The following GABRB1 variants were observed in gnomAD, a reference collection of about 807,000 sequenced individuals.
The protein encoded by GABRB1 is gamma-aminobutyric acid receptor subunit beta-1.
In GABRB1, 17 loss-of-function variants were observed where a neutral mutation model predicts 51.6. The ratio of observed to expected loss-of-function variants is 0.33; its 90% CI spans 0.23 to 0.49. The LOEUF (loss-of-function observed/expected upper bound fraction) is 0.49. GABRB1 is among the 20% of genes least tolerant of loss of function. GABRB1 has a pLI of 0.99. For missense variants in GABRB1, 410 were observed against 600.6 expected (o/e 0.68, Z 3.32); for synonymous variants, 247 against 218.9 (o/e 1.13, Z -1.14).
At chr4:47,312,210 T>G (rs1724717693) in intron 4 of GABRB1, among the ~76,000 whole-genome samples, 2 of 152,092 alleles carry the variant, frequency 1.3e-5, no homozygotes, top group South Asian at 4.1e-4. Context: ...ACTCCAACAT[T>G]TTGCTTCCTC....
chr4:47,259,394 T>C (rs897885539), intron 4 of GABRB1, among the ~76,000 whole-genome samples: 3 of 152,134 alleles, frequency 2.0e-5, no homozygotes, highest in Non-Finnish European at 4.4e-5. Context: ...ATCAAGTAAG[T>C]GTTTTCTGTA....
upstream of GABRB1, among the ~76,000 whole-genome samples, chr4:47,026,683 A>C (rs915500555): frequency 1.3e-5 from 2 of 152,050 alleles, no homozygotes; most frequent in African/African-American, 2.4e-5. Flanking sequence ...CTTGGATAGC[A>C]TGGTCTTCTG....
chr4:47,065,781 T>C (rs368848754), intron 3 of GABRB1, among the ~76,000 whole-genome samples: 1 of 152,318 alleles, frequency 6.6e-6, no homozygotes, highest in Non-Finnish European at 1.5e-5. Context: ...CTATCCTAAA[T>C]CCATAAAGGA....
At chr4:47,362,189 A>G (rs1212009754) in intron 5 of GABRB1, among the ~76,000 whole-genome samples, 2 of 152,136 alleles carry the variant, frequency 1.3e-5, no homozygotes, top group Non-Finnish European at 2.9e-5. Flanking sequence ...AATGCTGCTG[A>G]CTGGTCAAAG....
At chr4:47,228,895 G>A (rs1358911437) in intron 4 of GABRB1, among the ~76,000 whole-genome samples, 2 of 152,096 alleles carry the variant, frequency 1.3e-5, no homozygotes, top group Non-Finnish European at 2.9e-5. Flanking sequence ...GGTCCTAAAG[G>A]ATGATTTGTG....
chr4:47,332,041 C>A (rs79756051), intron 5 of GABRB1, among the ~76,000 whole-genome samples: 1 of 152,298 alleles, frequency 6.6e-6, no homozygotes, highest in East Asian at 1.9e-4. Context: ...GGACAGGAAG[C>A]AAACACCTGA....
intron 1 of GABRB1, among the ~76,000 whole-genome samples, chr4:47,007,176 A>G (rs1223234303): frequency 2.0e-5 from 3 of 152,130 alleles, no homozygotes. Context: ...AAAGTACATA[A>G]ACTTTAAATG....
intron 4 of GABRB1, among the ~76,000 whole-genome samples, chr4:47,305,443 A>G (rs1724430419): frequency 6.6e-6 from 1 of 152,132 alleles, no homozygotes. Context: ...TCTTCTTTAG[A>G]AAAGTAATGA....
chr4:47,335,387 C>T (rs1181543869), intron 5 of GABRB1, among the ~76,000 whole-genome samples: 2 of 152,030 alleles, frequency 1.3e-5, no homozygotes, highest in African/African-American at 2.4e-5. Context: ...ACATAATTGT[C>T]ATCTGATTTT....
chr4:47,373,036 C>T (rs944462212), intron 5 of GABRB1, among the ~76,000 whole-genome samples: 1 of 152,152 alleles, frequency 6.6e-6, no homozygotes, highest in African/African-American at 2.4e-5. Flanking sequence ...CCTACAGACA[C>T]AGAGACTTGT....
At chr4:47,377,251 C>T (rs1293716287) in intron 5 of GABRB1, among the ~76,000 whole-genome samples, 1 of 152,190 alleles carries the variant, frequency 6.6e-6, no homozygotes, top group Non-Finnish European at 1.5e-5. Context: ...TCAAGTGATT[C>T]TCCTGCCTCA....
chr4:47,318,567 T>C (rs1036153217), intron 4 of GABRB1, among the ~76,000 whole-genome samples: 9 of 152,036 alleles, frequency 5.9e-5, no homozygotes, highest in African/African-American at 9.7e-5. Flanking sequence ...AGGTAGCATA[T>C]AAGCAGGGAA....
intron 4 of GABRB1, among the ~76,000 whole-genome samples, chr4:47,165,423 T>C (rs917959048): frequency 1.3e-5 from 2 of 152,010 alleles, no homozygotes; most frequent in African/African-American, 4.8e-5. Context: ...TACTCCTCTA[T>C]CTCCAACAAC....
intron 3 of GABRB1, among the ~76,000 whole-genome samples, chr4:47,076,647 A>AAAAACAAAACAAAACAAAAC (rs200916587): frequency 6.6e-6 from 1 of 150,776 alleles, no homozygotes; most frequent in African/African-American, 2.5e-5. Context: ...GATTACATGG[A>AAAAACAAAACAAAACAAAAC]AAAACAAAAC....
intron 3 of GABRB1, among the ~76,000 whole-genome samples, chr4:47,053,079 G>C (rs183182474): frequency 2.6e-5 from 4 of 152,294 alleles, no homozygotes; most frequent in Admixed American, 2.6e-4. Flanking sequence ...GTGAGGGCAA[G>C]AGCATTAGGT....
At chr4:47,070,202 A>AT in intron 3 of GABRB1, among the ~76,000 whole-genome samples, 1 of 148,264 alleles carries the variant, frequency 6.7e-6, no homozygotes, top group South Asian at 2.2e-4. Context: ...TGCCCAGCTA[A>AT]TTTTTGTATT....
At chr4:47,261,296 C>T (rs1015750813) in intron 4 of GABRB1, among the ~76,000 whole-genome samples, 10 of 152,128 alleles carry the variant, frequency 6.6e-5, no homozygotes, top group Non-Finnish European at 1.5e-4. Context: ...ATCTAGAAAA[C>T]CCCACTGTCT....
At chr4:47,335,847 C>A (rs575156160) in intron 5 of GABRB1, among the ~76,000 whole-genome samples, 2 of 152,048 alleles carry the variant, frequency 1.3e-5, no homozygotes, top group Non-Finnish European at 2.9e-5. Flanking sequence ...GAAGGGCAAT[C>A]CAAGAGTAGG....
At chr4:47,184,957 C>T (rs1042646306) in intron 4 of GABRB1, among the ~76,000 whole-genome samples, 3 of 151,834 alleles carry the variant, frequency 2.0e-5, no homozygotes, top group Non-Finnish European at 2.9e-5. Context: ...GATTACTTTG[C>T]TATACCATGG....
Sources: gnomAD v4.1 joint callset for allele counts (sites outside exome capture counted in the v4.1 genomes callset) on GRCh38, gnomAD v4.1.1 for gene constraint, MANE v1.5 for transcripts, NCBI Gene and HGNC (gene_info 2026-07-23, HGNC 2026-07-21) for gene names.